Variants in SLMAP observed in about 807,000 individuals in gnomAD.
SLMAP encodes sarcolemmal membrane-associated protein.
Under a neutral mutation model 128.8 loss-of-function variants are expected in SLMAP, and 44 were observed. The ratio of observed to expected loss-of-function variants is 0.34; its 90% CI spans 0.27 to 0.44. SLMAP has a LOEUF of 0.44. Ranked by LOEUF, SLMAP falls within the 20% of genes least tolerant of loss-of-function variation. The probability of loss-of-function intolerance (pLI) is 1.00; values close to 1 mark genes in which losing one functional copy is unlikely to be tolerated. For missense variants in SLMAP, 787 were observed against 985.3 expected, an observed-to-expected ratio of 0.80 and a Z score of 2.69; for synonymous variants, 327 against 348.8, an observed-to-expected ratio of 0.94 and a Z score of 0.70.
intron 5 of SLMAP, among the ~76,000 whole-genome samples, chr3:57,847,744 A>G (rs527536627): frequency 5.3e-5 from 8 of 152,338 alleles, no homozygotes; most frequent in South Asian, 4.1e-4. Context: ...GGTTTATTCA[A>G]TTATAGGTTT....
chr3:57,895,592 C>T (rs570862275), intron 15 of SLMAP, among the ~76,000 whole-genome samples: 5 of 152,050 alleles, frequency 3.3e-5, no homozygotes, highest in African/African-American at 4.8e-5. Context: ...CCTCAGCCTC[C>T]GAAAGTGCTG....
intron 13 of SLMAP, 99 bp downstream of exon 13, chr3:57,865,391 A>G: frequency 2.1e-6 from 1 of 475,986 alleles, no homozygotes. Context: ...TGGAATGAAA[A>G]GCATGCTCTC....
chr3:57,869,644 A>G, intron 13 of SLMAP, among the ~76,000 whole-genome samples: 1 of 133,488 alleles, frequency 7.5e-6, no homozygotes, highest in African/African-American at 2.8e-5. Context: ...ATATATATAT[A>G]TATATATATA....
chr3:57,788,181 GGA>G (rs1159264609), intron 2 of SLMAP, among the ~76,000 whole-genome samples: 4 of 152,194 alleles, frequency 2.6e-5, no homozygotes, highest in Non-Finnish European at 5.9e-5. Flanking sequence ...GAATCATATA[GGA>G]GAGAGGACAG....
At chr3:57,789,039 A>G (rs2084867907) in intron 2 of SLMAP, among the ~76,000 whole-genome samples, 1 of 152,144 alleles carries the variant, frequency 6.6e-6, no homozygotes, top group Non-Finnish European at 1.5e-5. Context: ...CTGCCCTTGT[A>G]TGTCGGGGGA....
intron 21 of SLMAP, among the ~76,000 whole-genome samples, chr3:57,914,984 C>T (rs1195389544): frequency 6.6e-6 from 1 of 151,440 alleles, no homozygotes; most frequent in African/African-American, 2.4e-5. Flanking sequence ...CTCCCAGGTT[C>T]AAGCGATTCT....
intron 14 of SLMAP, 46 bp downstream of exon 14, chr3:57,871,744 C>T (rs1013205631): frequency 9.7e-6 from 14 of 1,436,256 alleles, no homozygotes; most frequent in Non-Finnish European, 1.4e-5. Context: ...AAGTCAGGGG[C>T]TAAAACTTAA....
intron 8 of SLMAP, 48 bp from the exon 9 acceptor site, chr3:57,860,650 TG>T: frequency 7.2e-7 from 1 of 1,383,600 alleles, no homozygotes; most frequent in Non-Finnish European, 9.7e-7. Context: ...AAACAATAAA[TG>T]CTTTTAAAAA....
intron 2 of SLMAP, among the ~76,000 whole-genome samples, chr3:57,794,828 A>G (rs896747691): frequency 7.2e-5 from 11 of 152,282 alleles, no homozygotes; most frequent in African/African-American, 2.4e-4. Flanking sequence ...TAATCAGCTG[A>G]TGGACATTTG....
intron 6 of SLMAP, among the ~76,000 whole-genome samples, chr3:57,855,725 A>AG (rs1491414906): frequency 1.4e-5 from 2 of 147,752 alleles, no homozygotes; most frequent in African/African-American, 5.1e-5. Context: ...AAAAAAAAAA[A>AG]CAAAAAAAAA....
Position 57,833,512 on chromosome 3 carries a change from C to T in SLMAP, c.346+1982C>T, listed in dbSNP as rs368834878. 4.8e-4 allele frequency among the ~76,000 whole-genome samples: 73 copies of T among 152,110 alleles called. 2 individuals carry two copies. The South Asian group carries it at 9.2e-3, about 19-fold the overall frequency. On this transcript the variant is annotated intron_variant, in intron 3 of 24. Transcript: ENST00000671191. The stretch of plus-strand genomic sequence containing the variant: ...TCTCCAGTCACTGCAACCTGTCTCC[C>T]GGGCTCAAGTGATTCTCCTGCCTCA...
At chr3:57,840,081 A>G (rs1024455682) in intron 3 of SLMAP, among the ~76,000 whole-genome samples, 1 of 152,110 alleles carries the variant, frequency 6.6e-6, no homozygotes, top group Non-Finnish European at 1.5e-5. Flanking sequence ...TCGGCCTCCC[A>G]AAGTACTGGG....
chr3:57,809,513 A>T (rs2090537804), intron 2 of SLMAP, among the ~76,000 whole-genome samples: 1 of 152,076 alleles, frequency 6.6e-6, no homozygotes, highest in Non-Finnish European at 1.5e-5. Flanking sequence ...GCCTACAGGT[A>T]CCCCTTGGCA....
intron 17 of SLMAP, 66 bp from the exon 18 acceptor site, chr3:57,907,818 A>G: frequency 1.4e-6 from 2 of 1,457,364 alleles, no homozygotes; most frequent in Non-Finnish European, 9.4e-7. Flanking sequence ...AGAGATTACC[A>G]GTCTTTTATT....
intron 3 of SLMAP, among the ~76,000 whole-genome samples, chr3:57,836,261 A>G (rs2153556535): frequency 6.6e-6 from 1 of 152,194 alleles, no homozygotes; most frequent in South Asian, 2.1e-4. Flanking sequence ...CCAAATTAAA[A>G]GGGAAAGGTT....
chr3:57,768,098 T>C (rs1257985121), intron 2 of SLMAP, among the ~76,000 whole-genome samples: 1 of 152,208 alleles, frequency 6.6e-6, no homozygotes, highest in African/African-American at 2.4e-5. Context: ...AAAACTTGTT[T>C]GGCCATGTAC....
At chr3:57,884,432 T>TC (rs982876413) in intron 14 of SLMAP, among the ~76,000 whole-genome samples, 10 of 152,114 alleles carry the variant, frequency 6.6e-5, no homozygotes, top group Admixed American at 1.3e-4. Flanking sequence ...AGAATGCTCG[T>TC]CAACAGGCTT....
chr3:57,831,246 G>A, intron 2 of SLMAP, 137 bp from the exon 3 acceptor site: 4 of 510,034 alleles, frequency 7.8e-6, no homozygotes, highest in Non-Finnish European at 1.3e-5. Flanking sequence ...AACCTTAGCT[G>A]AAATGAGTGG....
rs760387043 is a variant in SLMAP, at chr3:57,757,836, A to G, written c.185A>G (p.His62Arg). 5.6e-6 allele frequency: 9 copies of G among 1,614,044 alleles called. No homozygotes were observed. Among genetic ancestry groups the G allele is most frequent in the Non-Finnish European group, 6.8e-6 (8 of 1,180,016 alleles). Residue 62 changes from histidine to arginine, a missense_variant, in exon 2 of 25, where the codon CAC (histidine) becomes CGC (arginine). By Grantham distance (29) the His-to-Arg change is conservative. Transcript: ENST00000671191. ...AACCACGCTCTCGTCTGGTTTGATC[A>G]CAAGACGGGCAAGGTAATGTCACCA... ...SRNHALVWFD[H>R]KTGKFYLQDT... is the part of the protein sequence containing the mutation.
Sources: gnomAD v4.1 joint callset for allele counts (sites outside exome capture counted in the v4.1 genomes callset) on GRCh38, gnomAD v4.1.1 for gene constraint, MANE v1.5 for transcripts, NCBI Gene and HGNC (gene_info 2026-07-23, HGNC 2026-07-21) for gene names.